GDPD5: variants seen among roughly 807,000 people sequenced by gnomAD.
GDPD5 encodes glycerophosphodiester phosphodiesterase 2.
GDPD5 carries 48 observed loss-of-function variants against 75.1 expected under a neutral mutation model. The observed-to-expected ratio is 0.64, with a 90% CI of 0.51 to 0.81. The LOEUF (loss-of-function observed/expected upper bound fraction) is 0.81, where lower values mean the gene tolerates loss of function less well. Ranked by LOEUF, GDPD5 falls within the 40% of genes least tolerant of loss-of-function variation. The pLI, the probability that GDPD5 is intolerant of heterozygous loss-of-function variation, is 0.00. For missense variants in GDPD5, 706 were observed against 822.6 expected, an observed-to-expected ratio of 0.86 and a Z score of 1.73; for synonymous variants, 336 against 339.0, an observed-to-expected ratio of 0.99 and a Z score of 0.10.
At chr11:75,503,694 G>A (rs1424698094) in intron 1 of GDPD5, among the ~76,000 whole-genome samples, 1 of 152,244 alleles carries the variant, frequency 6.6e-6, no homozygotes, top group East Asian at 1.9e-4. Flanking sequence ...TGCAAGGCAA[G>A]GACCTTAGAG....
chr11:75,455,876 G>T (rs61897380), intron 6 of GDPD5, among the ~76,000 whole-genome samples: 8,587 of 152,342 alleles, frequency 0.056, 362 homozygotes, highest in East Asian at 0.13. Context: ...AAGCCTGTCT[G>T]CTTTGGGCCC....
chr11:75,442,725 G>T, intron 11 of GDPD5, 144 bp from the exon 12 acceptor site: 1 of 685,796 alleles, frequency 1.5e-6, no homozygotes, highest in Non-Finnish European at 2.5e-6. Context: ...GCCATGTGGA[G>T]GCTGTAGGAG....
At chr11:75,444,221 G>A (rs1359858746) in intron 10 of GDPD5, among the ~76,000 whole-genome samples, 192 bp downstream of exon 10, 2 of 152,110 alleles carry the variant, frequency 1.3e-5, no homozygotes, top group South Asian at 2.1e-4. Context: ...TGCACCAAGA[G>A]CATTTGTTCT....
At chr11:75,468,391 C>A (rs1949573686) in intron 3 of GDPD5, among the ~76,000 whole-genome samples, 1 of 152,210 alleles carries the variant, frequency 6.6e-6, no homozygotes, top group South Asian at 2.1e-4. Flanking sequence ...GGGGCTTCTC[C>A]TTCCAGATGC....
chr11:75,449,809 T>C, intron 7 of GDPD5, 76 bp downstream of exon 7: 1 of 1,499,834 alleles, frequency 6.7e-7, no homozygotes, highest in Non-Finnish European at 9.3e-7. Context: ...TGCCCTTCTT[T>C]GGGCCTTGGT....
chr11:75,444,841 G>A (rs1365357933), intron 9 of GDPD5, among the ~76,000 whole-genome samples: 1 of 152,148 alleles, frequency 6.6e-6, no homozygotes, highest in African/African-American at 2.4e-5. Flanking sequence ...AGACACTGGG[G>A]CTGGAGGGCT....
At chr11:75,473,721 G>C (rs1949720163) in intron 3 of GDPD5, among the ~76,000 whole-genome samples, 2 of 152,172 alleles carry the variant, frequency 1.3e-5, no homozygotes, top group Admixed American at 1.3e-4. Flanking sequence ...ACCTGAGCCG[G>C]TGGACTGAAT....
At chr11:75,444,324 G>A in intron 10 of GDPD5, 89 bp downstream of exon 10, 1 of 944,616 alleles carries the variant, frequency 1.1e-6, no homozygotes, top group Middle Eastern at 3.0e-4. Flanking sequence ...CAGAGGCTCT[G>A]AGACCAGAGG....
chr11:75,435,502 TTCAGCTAACGCCCAC>T lies in GDPD5; in HGVS notation c.1808_*4del. 6.3e-7 allele frequency: 1 copy of T among 1,594,932 alleles called. No homozygotes were observed. The highest frequency in any genetic ancestry group is 8.5e-7 in the Non-Finnish European group (1 of 1,170,628). On this transcript the variant is annotated stop_lost and 3_prime_UTR_variant, in exon 17 of 17. Transcript: ENST00000336898. ...CAGGTACAGGTGGGACAGACATGTC[TTCAGCTAACGCCCAC>T]TCCGCTCTATGAGGGTCTTGGTGTG...
chr11:75,465,880 C>T (rs1007907867), intron 3 of GDPD5, among the ~76,000 whole-genome samples: 5 of 152,202 alleles, frequency 3.3e-5, no homozygotes, highest in African/African-American at 9.7e-5. Flanking sequence ...CTCCTGTAGG[C>T]GCTGGGAAGA....
At chr11:75,450,303 A>G in intron 6 of GDPD5, 1 of 419,700 alleles carries the variant, frequency 2.4e-6, no homozygotes, top group Non-Finnish European at 4.3e-6. Context: ...AGTAAGGGGG[A>G]CCTCCCTGGG....
In GDPD5 at chr11:75,525,372, C is replaced by G. The variant is rs1941627374; in HGVS notation, c.-307G>C. On this transcript the variant is annotated 5_prime_UTR_variant, in exon 1 of 17. Coordinates refer to ENST00000336898, the MANE Select transcript of GDPD5 (RefSeq NM_030792.8). ...CGACTGTCCTGCCCGCCTAGGACCCCTCACCGAGCGCACGACCCGGCCAGG... is the reference window on the plus strand; with the variant it reads ...CGACTGTCCTGCCCGCCTAGGACCCGTCACCGAGCGCACGACCCGGCCAGG... 2 of 152,374 alleles carry G rather than the reference C, an allele frequency of 1.3e-5. No homozygotes were observed. The highest frequency in any genetic ancestry group is 4.8e-5 in the African/African-American group (2 of 41,472). The allele number at this position is 152,374 out of a possible 1,614,324, so 9.4% of individuals were successfully genotyped here. A position where few individuals can be genotyped will look rare whatever the true frequency, so the allele number is the denominator to read the frequency against.
At position 75,441,638 on chromosome 11, in the gene GDPD5, G is replaced by T; in HGVS notation, c.1325+8C>A. 1 of 1,560,856 alleles carries T rather than the reference G, an allele frequency of 6.4e-7. No homozygotes were observed. Among genetic ancestry groups the T allele is most frequent in the Non-Finnish European group, 8.7e-7 (1 of 1,154,982 alleles). ...CTCTCCTGGAGGAGCCCAGGGCAGG[G>T]CAGGCACCTGAGCTCCTGGCGGGAC... On this transcript the variant is annotated splice_region_variant and intron_variant, in intron 13 of 16. Coordinates refer to ENST00000336898, the MANE Select transcript of GDPD5 (RefSeq NM_030792.8).
At chr11:75,443,712 T>C (rs762902161) in intron 10 of GDPD5, among the ~76,000 whole-genome samples, 6 of 152,224 alleles carry the variant, frequency 3.9e-5, no homozygotes, top group Non-Finnish European at 7.3e-5. Flanking sequence ...AGTGCAAATG[T>C]AGACCTCTTT....
At chr11:75,443,926 T>G (rs1948907607) in intron 10 of GDPD5, among the ~76,000 whole-genome samples, 1 of 152,248 alleles carries the variant, frequency 6.6e-6, no homozygotes, top group Non-Finnish European at 1.5e-5. Context: ...ATGCCCTTGT[T>G]CAGTATGCAA....
At chr11:75,499,529 G>A (rs1373433227) in intron 1 of GDPD5, among the ~76,000 whole-genome samples, 4 of 151,966 alleles carry the variant, frequency 2.6e-5, no homozygotes, top group South Asian at 2.1e-4. Flanking sequence ...GAATCAGGGC[G>A]GGTCTGACAT....
chr11:75,441,461 C>A, intron 13 of GDPD5, 151 bp from the exon 14 acceptor site: 1 of 1,193,162 alleles, frequency 8.4e-7, no homozygotes, highest in Non-Finnish European at 1.2e-6. Context: ...CGGGACAAGC[C>A]CGGGTCTGCC....
chr11:75,443,046 C>CG (rs1948871907), intron 11 of GDPD5, 90 bp downstream of exon 11: 1 of 1,473,952 alleles, frequency 6.8e-7, no homozygotes, highest in Admixed American at 2.0e-5. Context: ...GTGGGGGTCT[C>CG]GAAGCTGATG....
rs1361017881 is a variant in GDPD5, at chr11:75,457,717, G to T, written c.291C>A (p.Ala97=). ...PVPILVTTAA[A]FAYIAGLLVL... is the part of the protein sequence containing the mutation. ...CCAGGAGGCCAGCGATGTATGCGAA[G>T]GCAGCAGCTGTGGTCACAAGGATGG... Residue 97 remains alanine, a synonymous_variant, in exon 5 of 17, where the codon GCC becomes GCA. Transcript: ENST00000336898. The T allele has an allele frequency of 6.2e-7, 1 of 1,614,028 alleles. No individual in the cohort carries two copies. The highest frequency in any genetic ancestry group is 8.5e-7 in the Non-Finnish European group (1 of 1,180,008).
Sources: gnomAD v4.1 joint callset for allele counts (sites outside exome capture counted in the v4.1 genomes callset) on GRCh38, gnomAD v4.1.1 for gene constraint, MANE v1.5 for transcripts, NCBI Gene and HGNC (gene_info 2026-07-23, HGNC 2026-07-21) for gene names.